Variants in ATP11B observed in about 807,000 individuals in gnomAD.
The protein encoded by ATP11B is phospholipid-transporting ATPase IF.
Under a neutral mutation model 157.8 loss-of-function variants are expected in ATP11B, and 81 were observed. That is an observed-to-expected ratio of 0.51 (90% CI 0.43 to 0.62). The LOEUF is 0.62. Among genes scored for constraint, ATP11B ranks in the 20% least tolerant of loss-of-function variants. The pLI is 0.00. For synonymous variants in ATP11B, 451 were observed against 469.4 expected (o/e 0.96, Z 0.51); for missense variants, 1,165 against 1,402.2 (o/e 0.83, Z 2.70).
rs922850537 is a variant in ATP11B at position 182,920,646 on chromosome 3, C to T, written c.*2542C>T. ...TTTGCCTCGTCTGAGGGCTGTAAGC[C>T]TGAAGATAGTGGCAAGCACCAAGTC... On this transcript the variant is annotated 3_prime_UTR_variant, in exon 30 of 30. Transcript: ENST00000323116. 6.6e-6 allele frequency: 1 copy of T among 152,332 alleles called. No homozygotes were observed. Among genetic ancestry groups the T allele is most frequent in the Non-Finnish European group, 1.5e-5 (1 of 68,050 alleles). 9.4% of individuals were successfully genotyped at this position (152,332 alleles called of 1,614,324 possible). A position where few individuals can be genotyped will look rare whatever the true frequency, so the allele number is the denominator to read the frequency against.
chr3:182,870,665 G>A (rs2108547777), intron 17 of ATP11B, among the ~76,000 whole-genome samples: 1 of 152,162 alleles, frequency 6.6e-6, no homozygotes, highest in East Asian at 1.9e-4. Context: ...GTCAGGGAAT[G>A]GCAATATTTA....
intron 25 of ATP11B, among the ~76,000 whole-genome samples, chr3:182,890,397 G>A (rs555406868): frequency 1.8e-4 from 28 of 152,320 alleles, no homozygotes; most frequent in African/African-American, 6.5e-4. Flanking sequence ...CTGCTCAACA[G>A]ATCTTTATTG....
chr3:182,887,387 A>G (rs1722867401), intron 23 of ATP11B, among the ~76,000 whole-genome samples, 199 bp from the exon 24 acceptor site: 1 of 152,238 alleles, frequency 6.6e-6, no homozygotes, highest in South Asian at 2.1e-4. Context: ...CAGTTCTCAC[A>G]AAGAATATCA....
intron 21 of ATP11B, among the ~76,000 whole-genome samples, chr3:182,883,975 A>AG (rs930251026): frequency 1.0e-5 from 1 of 100,070 alleles, no homozygotes; most frequent in African/African-American, 2.7e-5. Context: ...AAAAAAAAAA[A>AG]GAATGCAGAC....
chr3:182,836,537 A>G (rs777153112), intron 6 of ATP11B, 67 bp downstream of exon 6: 1 of 1,589,772 alleles, frequency 6.3e-7, no homozygotes, highest in Admixed American at 1.7e-5. Flanking sequence ...AATTATACTT[A>G]ACTTTGGTTA....
In ATP11B at chr3:182,884,873, C is replaced by A. The variant is rs758652912; in HGVS notation, c.2630C>A (p.Thr877Asn). 2.0e-6 allele frequency: 3 copies of A among 1,477,188 alleles called. No individual in the cohort carries two copies. The highest frequency in any genetic ancestry group is 2.6e-5 in the South Asian group (2 of 77,552). The allele number at this position is 1,477,188 out of a possible 1,614,324, so 91.5% of individuals were successfully genotyped here. A position where few individuals can be genotyped will look rare whatever the true frequency, so the allele number is the denominator to read the frequency against. The part of the protein sequence containing the change: ...HGHFYYIRIA[T>N]LVQYFFYKNV... ...CATTTTTATTATATTAGAATAGCTA[C>A]CCTTGTACAGTATTTTTTTTATAAG... Residue 877 changes from threonine (T) to asparagine (N), a missense_variant, in exon 22 of 30, where the codon ACC becomes AAC. Thr to Asn is a moderately conservative substitution (Grantham distance 65, BLOSUM62 0). Transcript: ENST00000323116.
chr3:182,871,641 A>G (rs1039127191), intron 17 of ATP11B, among the ~76,000 whole-genome samples: 1 of 152,210 alleles, frequency 6.6e-6, no homozygotes, highest in Non-Finnish European at 1.5e-5. Flanking sequence ...ATGGAATTGT[A>G]AGTTAAAACA....
chr3:182,908,907 T>G (rs905999386), intron 28 of ATP11B, among the ~76,000 whole-genome samples: 14 of 152,252 alleles, frequency 9.2e-5, no homozygotes, highest in Admixed American at 6.5e-5. Flanking sequence ...AGTTTAAGCC[T>G]TCTTTCCAAA....
intron 1 of ATP11B, among the ~76,000 whole-genome samples, chr3:182,802,138 T>C (rs898276347): frequency 2.6e-5 from 4 of 152,202 alleles, no homozygotes; most frequent in African/African-American, 9.7e-5. Flanking sequence ...GCAAATCGTA[T>C]CTCCCTTTTT....
rs759403280 is a variant in ATP11B, at chr3:182,818,916, T to TA, written c.28-1329dup. Among the ~76,000 whole-genome samples, 394 of 124,058 alleles carry TA rather than the reference T, an allele frequency of 3.2e-3. 3 individuals carry two copies. Among genetic ancestry groups the TA allele is most frequent in the African/African-American group, 6.4e-3 (219 of 34,382 alleles). The allele number at this position is 124,058 out of a possible 152,430, so 81.4% of individuals were successfully genotyped here. Reference sequence around the variant, plus strand: ...TAGTAAATAGCCCATGACCACTATGTAAAAAAAAAAAAAAAGAAAAAAAGA... The same window carrying TA: ...TAGTAAATAGCCCATGACCACTATGTAAAAAAAAAAAAAAAAGAAAAAAAGA... On this transcript the variant is annotated intron_variant, in intron 1 of 29. Coordinates refer to ENST00000323116, the MANE Select transcript of ATP11B (RefSeq NM_014616.3).
chr3:182,896,722 G>A lies in ATP11B; in HGVS notation c.3005G>A (p.Gly1002Asp). 6.2e-7 allele frequency: 1 copy of A among 1,612,966 alleles called. No homozygotes were observed. Among genetic ancestry groups the A allele is most frequent in the Non-Finnish European group, 8.5e-7 (1 of 1,179,236 alleles). ...NGQMFGNWTF[G>D]TLVFTVMVIT... ...TAGATGTTTGGAAACTGGACATTTG[G>A]CACTTTGGTCTTCACAGTCATGGTT... Residue 1002 changes from glycine to aspartate, a missense_variant, in exon 26 of 30, where the codon GGC becomes GAC. By Grantham distance (94) the Gly-to-Asp change is moderately conservative (BLOSUM62 -1). Transcript: ENST00000323116.
chr3:182,850,015 A>G (rs991847388), intron 10 of ATP11B, among the ~76,000 whole-genome samples: 1 of 152,034 alleles, frequency 6.6e-6, no homozygotes, highest in Admixed American at 6.6e-5. Flanking sequence ...CCGAAGAGAA[A>G]TGCATCACAT....
In ATP11B at chr3:182,891,918, T is replaced by G. The variant is rs115999826; in HGVS notation, c.2982+2370T>G. Among the ~76,000 whole-genome samples the G allele has an allele frequency of 4.7e-3, 719 of 152,334 alleles. 5 individuals are homozygous for G. Among genetic ancestry groups the G allele is most frequent in the Non-Finnish European group, 8.9e-3 (603 of 68,034 alleles). ...GCACATAATCCCCACCTTATAGGTT[T>G]GATGTGAGGATTAAATGACATATTA... On this transcript the variant is annotated intron_variant, in intron 25 of 29. Transcript: ENST00000323116.
At chr3:182,810,137 G>A (rs1272417481) in intron 1 of ATP11B, among the ~76,000 whole-genome samples, 2 of 152,068 alleles carry the variant, frequency 1.3e-5, no homozygotes, top group African/African-American at 4.8e-5. Context: ...TTCAAGACCA[G>A]CCTGGCCAAC....
At chr3:182,909,618 A>G (rs1724620811) in intron 28 of ATP11B, among the ~76,000 whole-genome samples, 1 of 152,164 alleles carries the variant, frequency 6.6e-6, no homozygotes, top group Non-Finnish European at 1.5e-5. Context: ...AACTATGTCT[A>G]TACAGGTACT....
chr3:182,793,710 AGCCCCGCGGCCCCCGC>A lies in ATP11B; in HGVS notation c.-40_-25del, dbSNP rs762644730. On this transcript the variant is annotated 5_prime_UTR_variant, in exon 1 of 30. Coordinates refer to ENST00000323116, the MANE Select transcript of ATP11B (RefSeq NM_014616.3). ...CTCTGTCTTGTCGGCCTCCACCTGC[AGCCCCGCGGCCCCCGC>A]GCCCCGCGGGACCCGGACGGCGACG... The A allele has an allele frequency of 6.7e-5, 90 of 1,346,220 alleles. No individual in the cohort carries two copies. Among genetic ancestry groups the A allele is most frequent in the South Asian group, 2.4e-4 (17 of 70,538 alleles). 83.4% of individuals were successfully genotyped at this position (1,346,220 alleles called of 1,614,324 possible).
chr3:182,825,831 C>T (rs113178519), intron 2 of ATP11B, among the ~76,000 whole-genome samples: 3 of 152,096 alleles, frequency 2.0e-5, no homozygotes, highest in South Asian at 4.2e-4. Context: ...ACTCAGGAGG[C>T]GGAGGTTGCA....
At chr3:182,889,626 T>G in intron 25 of ATP11B, 78 bp downstream of exon 25, 1 of 1,226,470 alleles carries the variant, frequency 8.2e-7, no homozygotes, top group South Asian at 1.6e-5. Flanking sequence ...AAAGTAAAAT[T>G]TAATTTAAAT....
chr3:182,812,205 A>G (rs1177108405), intron 1 of ATP11B, among the ~76,000 whole-genome samples: 1 of 152,028 alleles, frequency 6.6e-6, no homozygotes, highest in Admixed American at 6.6e-5. Flanking sequence ...ATGTTTATTC[A>G]TTGACTGTGT....
Sources: gnomAD v4.1 joint callset for allele counts (sites outside exome capture counted in the v4.1 genomes callset) on GRCh38, gnomAD v4.1.1 for gene constraint, MANE v1.5 for transcripts, NCBI Gene and HGNC (gene_info 2026-07-23, HGNC 2026-07-21) for gene names.